Variants in RAB3B observed in about 807,000 individuals in gnomAD.
The protein encoded by RAB3B is RAB3B, member RAS oncogene family.
A neutral mutation model predicts 20.5 loss-of-function variants in RAB3B; 11 were observed. The observed-to-expected ratio is 0.54, with a 90% CI of 0.34 to 0.89. The LOEUF is 0.89. Ranked by LOEUF, RAB3B falls within the 40% of genes least tolerant of loss-of-function variation. RAB3B has a pLI of 0.02. For synonymous variants in RAB3B, 99 were observed against 106.3 expected, an observed-to-expected ratio of 0.93 and a Z score of 0.42; for missense variants, 225 against 280.9, an observed-to-expected ratio of 0.80 and a Z score of 1.42.
At position 51,911,225 on chromosome 1, in the gene RAB3B, CCATGGAGAACTGCTTCT is replaced by C. The variant is rs1306351971; in HGVS notation, c.*8685_*8701del. 5.3e-5 allele frequency: 8 copies of C among 152,180 alleles called. No individual in the cohort carries two copies. The highest frequency in any genetic ancestry group is 5.2e-4 in the Admixed American group (8 of 15,260). 9.4% of individuals were successfully genotyped at this position (152,180 alleles called of 1,614,324 possible). The stretch of plus-strand genomic sequence containing the variant: ...ACTTTGCCTGTGCTGTCATCAGTGT[CCATGGAGAACTGCTTCT>C]CACCTTGAGAAATCCCTCTTCTTCG... On this transcript the variant is annotated 3_prime_UTR_variant, in exon 5 of 5. Coordinates refer to ENST00000371655, the MANE Select transcript of RAB3B (RefSeq NM_002867.4).
intron 2 of RAB3B, among the ~76,000 whole-genome samples, chr1:51,946,790 G>T (rs781068184): frequency 3.3e-5 from 5 of 152,130 alleles, no homozygotes; most frequent in Non-Finnish European, 5.9e-5. Context: ...ATGTTAGTAG[G>T]CACCTTTCTT....
chr1:51,947,268 C>T (rs1684578044), intron 2 of RAB3B, among the ~76,000 whole-genome samples: 1 of 152,036 alleles, frequency 6.6e-6, no homozygotes, highest in South Asian at 2.1e-4. Flanking sequence ...TGGTGGCATG[C>T]TCCTGTAGTC....
chr1:51,911,187 C>T lies in RAB3B; in HGVS notation c.*8740G>A, dbSNP rs1413245305. ...CCAGACTCTGTGTGGACAGTGATCC[C>T]TAGTCATAGGAAACTTTGCCTGTGC... is the stretch of plus-strand genomic sequence containing the variant. On this transcript the variant is annotated 3_prime_UTR_variant, in exon 5 of 5. Transcript: ENST00000371655. 6.6e-6 allele frequency: 1 copy of T among 152,188 alleles called. No homozygotes were observed. The highest frequency in any genetic ancestry group is 1.5e-5 in the Non-Finnish European group (1 of 68,032). The allele number at this position is 152,188 out of a possible 1,614,324, so 9.4% of individuals were successfully genotyped here.
intron 4 of RAB3B, among the ~76,000 whole-genome samples, chr1:51,925,183 G>A (rs1272714815): frequency 6.6e-6 from 1 of 151,986 alleles, no homozygotes; most frequent in Non-Finnish European, 1.5e-5. Context: ...TCTCCTCCAC[G>A]GTTCAGATCC....
At chr1:51,955,224 A>G (rs1057471260) in intron 2 of RAB3B, among the ~76,000 whole-genome samples, 1 of 152,018 alleles carries the variant, frequency 6.6e-6, no homozygotes, top group African/African-American at 2.4e-5. Context: ...TCTCCCTCTA[A>G]TCCCCCAATT....
At chr1:51,940,513 C>T (rs1312905100) in intron 2 of RAB3B, among the ~76,000 whole-genome samples, 3 of 152,026 alleles carry the variant, frequency 2.0e-5, no homozygotes, top group East Asian at 3.9e-4. Context: ...ATCCCAGCTA[C>T]TTGGGAGGCT....
At chr1:51,966,424 A>G (rs1319036621) in intron 2 of RAB3B, among the ~76,000 whole-genome samples, 1 of 152,216 alleles carries the variant, frequency 6.6e-6, no homozygotes, top group Non-Finnish European at 1.5e-5. Flanking sequence ...TGAATGGATT[A>G]ATGAATACAC....
intron 2 of RAB3B, among the ~76,000 whole-genome samples, chr1:51,941,045 C>A (rs1286485606): frequency 6.6e-6 from 1 of 151,990 alleles, no homozygotes; most frequent in Admixed American, 6.6e-5. Context: ...TGGTAGAAGG[C>A]ATAATGATTC....
chr1:51,960,239 G>A (rs567401336), intron 2 of RAB3B, among the ~76,000 whole-genome samples: 68 of 152,312 alleles, frequency 4.5e-4, no homozygotes, highest in African/African-American at 1.5e-3. Context: ...AGAGAAATTG[G>A]GGAAATAGAA....
At chr1:51,945,894 T>G (rs1684558227) in intron 2 of RAB3B, among the ~76,000 whole-genome samples, 1 of 152,258 alleles carries the variant, frequency 6.6e-6, no homozygotes, top group South Asian at 2.1e-4. Flanking sequence ...AATGTGATTT[T>G]GGACTAGTTG....
At chr1:51,976,632 C>T (rs1034653575) in intron 2 of RAB3B, among the ~76,000 whole-genome samples, 3 of 152,180 alleles carry the variant, frequency 2.0e-5, no homozygotes, top group Non-Finnish European at 4.4e-5. Flanking sequence ...AACTCCAAGC[C>T]CCAGTTTCTT....
At chr1:51,943,093 C>T (rs532018398) in intron 2 of RAB3B, among the ~76,000 whole-genome samples, 1 of 152,132 alleles carries the variant, frequency 6.6e-6, no homozygotes, top group East Asian at 1.9e-4. Flanking sequence ...AATTAATAAC[C>T]CTACAATGGG....
chr1:51,984,516 A>G (rs1016700286), intron 1 of RAB3B, among the ~76,000 whole-genome samples: 4 of 149,136 alleles, frequency 2.7e-5, no homozygotes, highest in African/African-American at 9.9e-5. Flanking sequence ...TCAGCCTCCC[A>G]AGTAGCTGGG....
At chr1:51,922,249 G>T (rs1684182202) in intron 4 of RAB3B, among the ~76,000 whole-genome samples, 2 of 152,264 alleles carry the variant, frequency 1.3e-5, no homozygotes, top group South Asian at 2.1e-4. Flanking sequence ...GGAGTGTATT[G>T]TTTATTTGGG....
intron 2 of RAB3B, among the ~76,000 whole-genome samples, chr1:51,961,172 A>G (rs1038613872): frequency 1.3e-5 from 2 of 152,010 alleles, no homozygotes; most frequent in Non-Finnish European, 2.9e-5. Flanking sequence ...AGAGACCACT[A>G]CATTCAGTGC....
chr1:51,979,540 G>C (rs1027189121), intron 1 of RAB3B, among the ~76,000 whole-genome samples: 6 of 151,818 alleles, frequency 4.0e-5, no homozygotes, highest in African/African-American at 1.5e-4. Flanking sequence ...CAAAGTGCTA[G>C]GATTACAGGC....
chr1:51,973,858 T>C (rs1272401808), intron 2 of RAB3B, among the ~76,000 whole-genome samples: 1 of 152,218 alleles, frequency 6.6e-6, no homozygotes. Flanking sequence ...ATCTCAAGAT[T>C]TTTTGAGTGT....
chr1:51,919,903 G>C lies in RAB3B; in HGVS notation c.*24C>G. 6.3e-7 allele frequency: 1 copy of C among 1,599,088 alleles called. No homozygotes were observed. Among genetic ancestry groups the C allele is most frequent in the Non-Finnish European group, 8.5e-7 (1 of 1,171,016 alleles). On this transcript the variant is annotated 3_prime_UTR_variant, in exon 5 of 5. Coordinates refer to ENST00000371655, the MANE Select transcript of RAB3B (RefSeq NM_002867.4). Reference sequence around the variant, plus strand: ...GACTGGGTGTGGGGCCACAATGAGGGGAGGTCAGGAAGGTGGGCCTTGCCT... The same window carrying C: ...GACTGGGTGTGGGGCCACAATGAGGCGAGGTCAGGAAGGTGGGCCTTGCCT...
At chr1:51,925,402 T>C (rs770241820) in intron 4 of RAB3B, among the ~76,000 whole-genome samples, 18 of 152,216 alleles carry the variant, frequency 1.2e-4, no homozygotes, top group Non-Finnish European at 2.4e-4. Flanking sequence ...GCTTCAGCTA[T>C]TCACCTGTCC....
Sources: allele counts gnomAD v4.1 joint callset (sites outside exome capture counted in the v4.1 genomes callset), GRCh38; gene constraint gnomAD v4.1.1; transcripts MANE v1.5; gene names NCBI Gene and HGNC (gene_info 2026-07-23, HGNC 2026-07-21).